The following NKAIN2 variants were observed in gnomAD, a reference collection of about 807,000 sequenced individuals.
The protein encoded by NKAIN2 is sodium/potassium transporting ATPase interacting 2, also known as sodium/potassium-transporting ATPase subunit beta-1-interacting protein 2.
Under a neutral mutation model 32.6 loss-of-function variants are expected in NKAIN2, and 14 were observed. That is an observed-to-expected ratio of 0.43 (90% CI 0.28 to 0.67). NKAIN2 has a LOEUF of 0.67. Ranked by LOEUF, NKAIN2 falls within the 30% of genes least tolerant of loss-of-function variation. NKAIN2 has a pLI of 0.17. For synonymous variants in NKAIN2, 80 were observed against 87.2 expected, an observed-to-expected ratio of 0.92 and a Z score of 0.46; for missense variants, 198 against 258.3, an observed-to-expected ratio of 0.77 and a Z score of 1.60.
intron 6 of NKAIN2, among the ~76,000 whole-genome samples, chr6:124,821,861 C>A (rs1781407515): frequency 6.6e-6 from 1 of 152,166 alleles, no homozygotes; most frequent in South Asian, 2.1e-4. Context: ...TTTTATTTTA[C>A]AGACGAGGAA....
intron 1 of NKAIN2, among the ~76,000 whole-genome samples, chr6:123,997,390 T>G (rs1176786329): frequency 6.6e-6 from 1 of 152,086 alleles, no homozygotes; most frequent in Non-Finnish European, 1.5e-5. Context: ...TCTACTGTTC[T>G]TATAACGTTC....
At chr6:124,427,015 A>T (rs1270861430) in intron 3 of NKAIN2, among the ~76,000 whole-genome samples, 3 of 152,212 alleles carry the variant, frequency 2.0e-5, no homozygotes, top group African/African-American at 7.2e-5. Context: ...GCATGTCTTT[A>T]TCAGGAGCCT....
chr6:124,505,875 A>G (rs1382453415), intron 3 of NKAIN2, among the ~76,000 whole-genome samples: 2 of 152,098 alleles, frequency 1.3e-5, no homozygotes, highest in African/African-American at 4.8e-5. Flanking sequence ...GTGAGCCACT[A>G]TTAAGATTGT....
rs190106912 is a variant in NKAIN2, at chr6:124,716,971, C to T, written c.474+58585C>T. ...AACAATGTCTAGCATAAATACTTGT[C>T]GAAAGAGTCAATGAATGAATAAATG... On this transcript the variant is annotated intron_variant, in intron 4 of 6. Transcript: ENST00000368417. Among the ~76,000 whole-genome samples, 166 of 152,212 alleles carry T rather than the reference C, an allele frequency of 1.1e-3. 2 individuals carry two copies. The highest frequency in any genetic ancestry group is 3.8e-3 in the African/African-American group (156 of 41,516).
intron 3 of NKAIN2, among the ~76,000 whole-genome samples, chr6:124,413,660 T>G (rs1262308550): frequency 6.6e-6 from 1 of 152,166 alleles, no homozygotes; most frequent in Non-Finnish European, 1.5e-5. Context: ...TCTAATAATA[T>G]TAAGTGTTCT....
intron 4 of NKAIN2, among the ~76,000 whole-genome samples, chr6:124,787,515 G>A (rs192589827): frequency 1.1e-4 from 17 of 152,156 alleles, no homozygotes; most frequent in African/African-American, 4.1e-4. Context: ...CAGGGCATTA[G>A]CATTCTTTGT....
chr6:124,438,642 G>A (rs775327751), intron 3 of NKAIN2, among the ~76,000 whole-genome samples: 6 of 152,042 alleles, frequency 3.9e-5, no homozygotes, highest in Non-Finnish European at 7.4e-5. Context: ...TGTTCTCACT[G>A]CTTAGCCTGC....
rs73551325 is a variant in NKAIN2 at position 123,867,405 on chromosome 6, G to A, written c.54+63151G>A. On this transcript the variant is annotated intron_variant, in intron 1 of 6. Coordinates refer to ENST00000368417, the MANE Select transcript of NKAIN2 (RefSeq NM_001040214.3). ...GAAAGTCTGTTATATTGGTTGATTCGTTAAAAGTTATGAAATCAGATTACT... is the reference window on the plus strand; with the variant it reads ...GAAAGTCTGTTATATTGGTTGATTCATTAAAAGTTATGAAATCAGATTACT... Among the ~76,000 whole-genome samples, 1,143 of 152,208 alleles carry A rather than the reference G, an allele frequency of 7.5e-3. 9 individuals are homozygous for A. Among genetic ancestry groups the A allele is most frequent in the African/African-American group, 0.026 (1,068 of 41,530 alleles).
At chr6:124,533,848 C>T (rs1370754800) in intron 3 of NKAIN2, among the ~76,000 whole-genome samples, 5 of 152,078 alleles carry the variant, frequency 3.3e-5, no homozygotes, top group African/African-American at 1.2e-4. Flanking sequence ...TAGTGAAGGG[C>T]CTATTACAAG....
intron 1 of NKAIN2, among the ~76,000 whole-genome samples, chr6:124,083,748 G>T (rs751203383): frequency 1.3e-4 from 19 of 151,916 alleles, no homozygotes; most frequent in Non-Finnish European, 1.0e-4. Flanking sequence ...AGACACAAAT[G>T]CTTTCTCACA....
At chr6:124,530,375 G>A (rs1349278397) in intron 3 of NKAIN2, among the ~76,000 whole-genome samples, 1 of 152,138 alleles carries the variant, frequency 6.6e-6, no homozygotes, top group Non-Finnish European at 1.5e-5. Context: ...CTTCATCCTT[G>A]TCATCTTCAC....
chr6:123,880,578 A>G (rs1469508800), intron 1 of NKAIN2, among the ~76,000 whole-genome samples: 1 of 152,220 alleles, frequency 6.6e-6, no homozygotes, highest in Non-Finnish European at 1.5e-5. Context: ...AGAACTGCGT[A>G]TTTGAAAATA....
At chr6:124,083,039 CTTT>C (rs1231750076) in intron 1 of NKAIN2, among the ~76,000 whole-genome samples, 1 of 151,824 alleles carries the variant, frequency 6.6e-6, no homozygotes, top group Non-Finnish European at 1.5e-5. Context: ...ACATAGACTG[CTTT>C]TTATTTTGAT....
intron 1 of NKAIN2, among the ~76,000 whole-genome samples, chr6:124,122,392 CTTTT>C (rs1185646987): frequency 1.3e-5 from 2 of 151,980 alleles, no homozygotes; most frequent in Non-Finnish European, 2.9e-5. Context: ...ATAATTGCTG[CTTTT>C]ATACAAGTTA....
intron 1 of NKAIN2, among the ~76,000 whole-genome samples, chr6:123,961,941 G>T (rs892080488): frequency 2.6e-5 from 4 of 152,034 alleles, no homozygotes; most frequent in Admixed American, 2.0e-4. Flanking sequence ...TGAAATTACT[G>T]CTTTAGAGAG....
At chr6:123,958,811 C>A (rs1280964802) in intron 1 of NKAIN2, among the ~76,000 whole-genome samples, 2 of 152,152 alleles carry the variant, frequency 1.3e-5, no homozygotes, top group Non-Finnish European at 1.5e-5. Flanking sequence ...ATCAGTGCAC[C>A]AATAAACATT....
At chr6:124,126,542 C>T (rs920200853) in intron 1 of NKAIN2, among the ~76,000 whole-genome samples, 2 of 151,826 alleles carry the variant, frequency 1.3e-5, no homozygotes, top group Non-Finnish European at 2.9e-5. Flanking sequence ...TATTGAAAGC[C>T]ACCTCTTCCA....
At chr6:124,042,433 C>T (rs1350993989) in intron 1 of NKAIN2, among the ~76,000 whole-genome samples, 1 of 152,042 alleles carries the variant, frequency 6.6e-6, no homozygotes, top group Non-Finnish European at 1.5e-5. Flanking sequence ...CTGCCAAGGG[C>T]TTCCAAATAT....
chr6:124,409,171 T>C (rs1774021745), intron 3 of NKAIN2, among the ~76,000 whole-genome samples: 2 of 152,216 alleles, frequency 1.3e-5, no homozygotes, highest in Non-Finnish European at 2.9e-5. Flanking sequence ...TTTTCCTAAC[T>C]GAATGCCGTT....
Sources: gnomAD v4.1 joint callset for allele counts (sites outside exome capture counted in the v4.1 genomes callset) on GRCh38, gnomAD v4.1.1 for gene constraint, MANE v1.5 for transcripts, NCBI Gene and HGNC (gene_info 2026-07-23, HGNC 2026-07-21) for gene names.